The following ILRUN variants were observed in gnomAD, a reference collection of about 807,000 sequenced individuals.
ILRUN encodes protein ILRUN.
ILRUN carries 3 observed loss-of-function variants against 33.8 expected under a neutral mutation model. That is an observed-to-expected ratio of 0.09 (90% CI 0.04 to 0.23). The LOEUF (loss-of-function observed/expected upper bound fraction) is 0.23, where lower values mean the gene tolerates loss of function less well. ILRUN is among the 10% of genes least tolerant of loss of function. ILRUN has a pLI of 1.00. For synonymous variants in ILRUN, 124 were observed against 138.9 expected (o/e 0.89, Z 0.75); for missense variants, 210 against 375.1 (o/e 0.56, Z 3.64).
chr6:34,690,547 A>G (rs1428743238), intron 1 of ILRUN, among the ~76,000 whole-genome samples: 2 of 152,108 alleles, frequency 1.3e-5, no homozygotes, highest in Non-Finnish European at 2.9e-5. Context: ...AAATTCTTAA[A>G]AAGTGAGGTA....
chr6:34,608,374 C>G (rs777373756), intron 3 of ILRUN, among the ~76,000 whole-genome samples: 21 of 151,356 alleles, frequency 1.4e-4, no homozygotes, highest in Non-Finnish European at 2.8e-4. Flanking sequence ...CACAGCAAGA[C>G]TCCATCTCAA....
chr6:34,600,647 C>A (rs527909484), intron 4 of ILRUN, among the ~76,000 whole-genome samples: 1 of 152,242 alleles, frequency 6.6e-6, no homozygotes, highest in African/African-American at 2.4e-5. Flanking sequence ...CCAACAAAAA[C>A]CTAAACCCAA....
chr6:34,627,765 G>A (rs954528867), intron 3 of ILRUN, among the ~76,000 whole-genome samples: 1 of 149,814 alleles, frequency 6.7e-6, no homozygotes, highest in Non-Finnish European at 1.5e-5. Context: ...GTGCAATGGC[G>A]TGATCTCGGC....
intron 3 of ILRUN, among the ~76,000 whole-genome samples, chr6:34,626,377 T>C (rs1182959055): frequency 6.6e-6 from 1 of 152,136 alleles, no homozygotes; most frequent in Non-Finnish European, 1.5e-5. Flanking sequence ...TCTTCCAATA[T>C]ATTGCCCAGG....
rs535784630 is a variant in ILRUN at position 34,687,283 on chromosome 6, T to A, written c.158+9163A>T. ...TAAATGGTTATTTCTCCAAAGAAGA[T>A]ATACAAATGGCCAAAAAGCACATAA... On this transcript the variant is annotated intron_variant, in intron 1 of 4. Transcript: ENST00000374023. Among the ~76,000 whole-genome samples, 4 of 152,220 alleles carry A rather than the reference T, an allele frequency of 2.6e-5. No homozygotes were observed. The East Asian group carries it at 7.7e-4, about 29-fold the overall frequency.
intron 1 of ILRUN, among the ~76,000 whole-genome samples, chr6:34,662,625 G>A (rs1435978940): frequency 6.6e-6 from 1 of 152,230 alleles, no homozygotes; most frequent in Non-Finnish European, 1.5e-5. Context: ...TTTATGCTAA[G>A]TGAAATAAGT....
At chr6:34,617,162 T>C (rs1761910888) in intron 3 of ILRUN, 1 of 509,742 alleles carries the variant, frequency 2.0e-6, no homozygotes, top group Non-Finnish European at 3.9e-6. Flanking sequence ...TCTTCTGCAT[T>C]AAGTGGAATG....
intron 4 of ILRUN, among the ~76,000 whole-genome samples, chr6:34,601,703 CCG>C (rs1491402582): frequency 0.16 from 23,836 of 150,880 alleles, 2,473 homozygotes; most frequent in African/African-American, 0.3. Flanking sequence ...CCTCCAGTAC[CCG>C]CCCCCCCAAC....
chr6:34,614,521 T>A (rs886363502), intron 3 of ILRUN, among the ~76,000 whole-genome samples: 2 of 140,636 alleles, frequency 1.4e-5, no homozygotes, highest in African/African-American at 2.7e-5. Context: ...ATATATATAT[T>A]CATGGATCCA....
intron 1 of ILRUN, among the ~76,000 whole-genome samples, chr6:34,688,134 G>T (rs1272956341): frequency 1.3e-5 from 2 of 152,336 alleles, no homozygotes; most frequent in East Asian, 3.9e-4. Flanking sequence ...GGGTTGGGGG[G>T]TGGCTCATGC....
intron 1 of ILRUN, among the ~76,000 whole-genome samples, chr6:34,670,675 A>C (rs548027027): frequency 1.3e-5 from 2 of 151,152 alleles, no homozygotes; most frequent in Non-Finnish European, 3.0e-5. Flanking sequence ...ACATGGTGAA[A>C]CCCTGTCTCT....
At chr6:34,600,571 T>C (rs1761488171) in intron 4 of ILRUN, among the ~76,000 whole-genome samples, 1 of 152,202 alleles carries the variant, frequency 6.6e-6, no homozygotes, top group Admixed American at 6.5e-5. Context: ...GTTTGGTTTT[T>C]GTGTGTGTGA....
intron 1 of ILRUN, among the ~76,000 whole-genome samples, chr6:34,683,131 T>C (rs556348081): frequency 4.7e-4 from 69 of 147,850 alleles, no homozygotes; most frequent in Admixed American, 4.0e-3. Flanking sequence ...AATATATATA[T>C]ACACACACAC....
chr6:34,594,192 T>C (rs950226015), intron 4 of ILRUN, among the ~76,000 whole-genome samples: 1 of 152,180 alleles, frequency 6.6e-6, no homozygotes, highest in Non-Finnish European at 1.5e-5. Context: ...TATCTTCTCT[T>C]ACACTTGTAC....
intron 1 of ILRUN, among the ~76,000 whole-genome samples, chr6:34,659,936 G>A (rs1762853914): frequency 6.6e-6 from 1 of 151,782 alleles, no homozygotes; most frequent in Non-Finnish European, 1.5e-5. Flanking sequence ...GGCAGTCTTA[G>A]GAAGAAAAAT....
chr6:34,667,591 T>C (rs1226767036), intron 1 of ILRUN, among the ~76,000 whole-genome samples: 1 of 152,148 alleles, frequency 6.6e-6, no homozygotes, highest in African/African-American at 2.4e-5. Context: ...ACTTATTAAC[T>C]ATAAAGGAGA....
chr6:34,625,191 C>CT (rs1562007327), intron 3 of ILRUN, among the ~76,000 whole-genome samples: 2 of 152,294 alleles, frequency 1.3e-5, no homozygotes, highest in East Asian at 1.9e-4. Flanking sequence ...CCCTTCCCCT[C>CT]TTTTTTTCCT....
chr6:34,672,623 AAATAAACAAAACTAAAGT>A (rs1465888919), intron 1 of ILRUN, among the ~76,000 whole-genome samples: 1 of 152,200 alleles, frequency 6.6e-6, no homozygotes, highest in Non-Finnish European at 1.5e-5. Context: ...ATCAAATATG[AAATAAACAAAACTAAAGT>A]AATAAAAAAA....
intron 3 of ILRUN, among the ~76,000 whole-genome samples, chr6:34,608,930 G>GT (rs2127324805): frequency 1.3e-5 from 2 of 152,316 alleles, no homozygotes; most frequent in African/African-American, 4.8e-5. Context: ...CTGTTGGAAG[G>GT]TTTTCAAAAA....
Sources: allele counts gnomAD v4.1 joint callset (sites outside exome capture counted in the v4.1 genomes callset), GRCh38; gene constraint gnomAD v4.1.1; transcripts MANE v1.5; gene names NCBI Gene and HGNC (gene_info 2026-07-23, HGNC 2026-07-21).